Variants in FTCDNL1 observed in about 807,000 individuals in gnomAD.
The protein encoded by FTCDNL1 is formiminotransferase cyclodeaminase N-terminal like.
A neutral mutation model predicts 5.9 loss-of-function variants in FTCDNL1; 11 were observed. The ratio of observed to expected loss-of-function variants is 1.87; its 90% CI spans 1.18 to 3.10. The LOEUF is 3.10. Ranked by LOEUF, FTCDNL1 falls within the 30% of genes most tolerant of loss-of-function variation. The pLI, the probability that FTCDNL1 is intolerant of heterozygous loss-of-function variation, is 0.00. For missense variants in FTCDNL1, 115 were observed against 65.5 expected, an observed-to-expected ratio of 1.76 and a Z score of -2.61; for synonymous variants, 58 against 24.8, an observed-to-expected ratio of 2.34 and a Z score of -3.99.
intron 3 of FTCDNL1, among the ~76,000 whole-genome samples, chr2:199,781,835 A>G (rs1204967189): frequency 6.6e-6 from 1 of 152,062 alleles, no homozygotes. Flanking sequence ...GCTAGCATGC[A>G]GTGGCGCCAT....
the FTCDNL1 span, among the ~76,000 whole-genome samples, chr2:199,693,332 C>CGTTG: frequency 6.6e-6 from 1 of 152,052 alleles, no homozygotes; most frequent in East Asian, 1.9e-4. Context: ...AATACAAAAA[C>CGTTG]AAAACAAAAC....
the FTCDNL1 span, among the ~76,000 whole-genome samples, chr2:199,675,456 AAATT>A: frequency 3.9e-5 from 6 of 152,306 alleles, no homozygotes; most frequent in South Asian, 2.1e-4. Context: ...TCTTGTTAAT[AAATT>A]AATTAAAATT....
chr2:199,813,452 T>C (rs1701155471), intron 4 of FTCDNL1, among the ~76,000 whole-genome samples: 1 of 152,202 alleles, frequency 6.6e-6, no homozygotes, highest in South Asian at 2.1e-4. Context: ...CATTATATTA[T>C]ACTCCTCTTT....
At chr2:199,793,874 G>A (rs545600088) in intron 3 of FTCDNL1, among the ~76,000 whole-genome samples, 3 of 152,270 alleles carry the variant, frequency 2.0e-5, no homozygotes, top group African/African-American at 4.8e-5. Context: ...CTCATTATAC[G>A]TGTACTTCAC....
At chr2:199,813,522 G>T (rs893013592) in intron 4 of FTCDNL1, among the ~76,000 whole-genome samples, 1 of 152,134 alleles carries the variant, frequency 6.6e-6, no homozygotes, top group Non-Finnish European at 1.5e-5. Context: ...AGGATATTTA[G>T]CACTTTTATA....
chr2:199,709,778 T>C, the FTCDNL1 span, among the ~76,000 whole-genome samples: 2 of 152,068 alleles, frequency 1.3e-5, no homozygotes, highest in Middle Eastern at 3.2e-3. Context: ...GCAAAGAAGA[T>C]ACCTGGAGAA....
At chr2:199,800,720 T>C (rs1337154613) in intron 3 of FTCDNL1, among the ~76,000 whole-genome samples, 1 of 152,186 alleles carries the variant, frequency 6.6e-6, no homozygotes, top group Non-Finnish European at 1.5e-5. Flanking sequence ...TTGACAGAAA[T>C]GTGTTTTTAA....
chr2:199,748,350 A>G, the FTCDNL1 span, among the ~76,000 whole-genome samples: 1 of 152,206 alleles, frequency 6.6e-6, no homozygotes, highest in Non-Finnish European at 1.5e-5. Flanking sequence ...ACTCTCTCCT[A>G]AACTACATAG....
chr2:199,737,815 C>T, the FTCDNL1 span, among the ~76,000 whole-genome samples: 2 of 152,304 alleles, frequency 1.3e-5, no homozygotes, highest in Non-Finnish European at 2.9e-5. Flanking sequence ...CTGCGTGTCA[C>T]GTAGCTGGTC....
the FTCDNL1 span, among the ~76,000 whole-genome samples, chr2:199,729,432 T>C: frequency 6.6e-6 from 1 of 152,228 alleles, no homozygotes; most frequent in East Asian, 1.9e-4. Context: ...GTGGATGACA[T>C]GATTGTATAT....
At chr2:199,687,064 G>T in the FTCDNL1 span, among the ~76,000 whole-genome samples, 1 of 152,172 alleles carries the variant, frequency 6.6e-6, no homozygotes, top group African/African-American at 2.4e-5. Flanking sequence ...TTATTTTGTA[G>T]CTGAGGTTTA....
the FTCDNL1 span, among the ~76,000 whole-genome samples, chr2:199,725,705 T>G: frequency 6.6e-6 from 1 of 152,184 alleles, no homozygotes; most frequent in Admixed American, 6.5e-5. Context: ...GAATGTTGAA[T>G]ATTGTCCTCC....
At chr2:199,670,395 AG>A in the FTCDNL1 span, among the ~76,000 whole-genome samples, 1 of 152,232 alleles carries the variant, frequency 6.6e-6, no homozygotes, top group East Asian at 1.9e-4. Context: ...GTTTTTAAGT[AG>A]AAACCCTGAT....
chr2:199,800,404 A>G (rs1327232559), intron 3 of FTCDNL1, among the ~76,000 whole-genome samples: 1 of 152,214 alleles, frequency 6.6e-6, no homozygotes, highest in African/African-American at 2.4e-5. Context: ...TGTACTCAGC[A>G]CACGGCCAGG....
the FTCDNL1 span, among the ~76,000 whole-genome samples, chr2:199,675,864 C>G: frequency 6.6e-6 from 1 of 152,210 alleles, no homozygotes; most frequent in African/African-American, 2.4e-5. Flanking sequence ...GATCCTCCCA[C>G]CTTAGCCTCC....
the FTCDNL1 span, among the ~76,000 whole-genome samples, chr2:199,710,285 G>A: frequency 3.3e-5 from 5 of 152,128 alleles, no homozygotes; most frequent in African/African-American, 4.8e-5. Context: ...AGAAAGCTAG[G>A]AAACACCTTA....
At chr2:199,774,085 T>C (rs1024369865) in intron 3 of FTCDNL1, among the ~76,000 whole-genome samples, 1 of 152,214 alleles carries the variant, frequency 6.6e-6, no homozygotes, top group South Asian at 2.1e-4. Flanking sequence ...AATGTACTCA[T>C]CCTTGGGGCC....
intron 3 of FTCDNL1, among the ~76,000 whole-genome samples, chr2:199,841,216 G>A (rs1276074078): frequency 6.6e-6 from 1 of 151,506 alleles, no homozygotes; most frequent in Admixed American, 6.6e-5. Flanking sequence ...GATCAATTGT[G>A]AGTTTTTATA....
intron 3 of FTCDNL1, among the ~76,000 whole-genome samples, chr2:199,838,539 T>C (rs1201390786): frequency 6.6e-6 from 1 of 152,112 alleles, no homozygotes; most frequent in Non-Finnish European, 1.5e-5. Context: ...GTGAGGGGGA[T>C]GTGATTCGGC....
Sources: allele counts gnomAD v4.1 joint callset (sites outside exome capture counted in the v4.1 genomes callset), GRCh38; gene constraint gnomAD v4.1.1; transcripts MANE v1.5; gene names NCBI Gene and HGNC (gene_info 2026-07-23, HGNC 2026-07-21).